The following NR1I2 variants were observed in gnomAD, a reference collection of about 807,000 sequenced individuals.
NR1I2 encodes nuclear receptor subfamily 1 group I member 2.
Under a neutral mutation model 43.3 loss-of-function variants are expected in NR1I2, and 42 were observed. The ratio of observed to expected loss-of-function variants is 0.97; its 90% confidence interval spans 0.76 to 1.26. The LOEUF (loss-of-function observed/expected upper bound fraction) is 1.26. Ranked by LOEUF, NR1I2 falls within the 50% of genes most tolerant of loss-of-function variation. The pLI is 0.00. For synonymous variants in NR1I2, 229 were observed against 215.0 expected, an observed-to-expected ratio of 1.06 and a Z score of -0.57; for missense variants, 559 against 566.7, an observed-to-expected ratio of 0.99 and a Z score of 0.14.
intron 1 of NR1I2, among the ~76,000 whole-genome samples, chr3:119,789,877 A>G (rs1258076632): frequency 6.6e-6 from 1 of 152,146 alleles, no homozygotes; most frequent in Non-Finnish European, 1.5e-5. Flanking sequence ...TTATTTGGTG[A>G]TGTTCTTTTT....
chr3:119,800,507 C>T (rs1444611423), intron 1 of NR1I2, among the ~76,000 whole-genome samples: 1 of 152,150 alleles, frequency 6.6e-6, no homozygotes, highest in Non-Finnish European at 1.5e-5. Context: ...CACAGTTCTC[C>T]TTTGAAGCTT....
rs781646686 is a variant in NR1I2, at chr3:119,807,336, T to A, written c.86T>A (p.Val29Asp). The change falls in exon 2 of 9, where the codon GTC (valine) becomes GAC (aspartate). Residue 29 changes from valine (V) to aspartate (D), a missense_variant. This residue lies in a region of NR1I2 where 232 missense variants were observed against 236.6 expected (regional missense o/e 0.98). Coordinates refer to ENST00000393716, the MANE Select transcript of NR1I2 (RefSeq NM_003889.4). ...GAGTCTGTTCCTGGAAAGCCCAGTG[T>A]CAACGCAGATGAGGAAGTCGGAGGT... is the stretch of plus-strand genomic sequence containing the variant. 1 of 1,614,256 alleles carries A rather than the reference T, an allele frequency of 6.2e-7. No homozygotes were observed. Among genetic ancestry groups the A allele is most frequent in the East Asian group, 2.2e-5 (1 of 44,892 alleles).
intron 1 of NR1I2, among the ~76,000 whole-genome samples, chr3:119,786,258 C>T (rs1486092421): frequency 6.6e-6 from 1 of 152,178 alleles, no homozygotes; most frequent in African/African-American, 2.4e-5. Flanking sequence ...CTCTTGCCCT[C>T]ACACTTCAGA....
chr3:119,796,644 G>C (rs954348927), intron 1 of NR1I2, among the ~76,000 whole-genome samples: 6 of 151,978 alleles, frequency 3.9e-5, no homozygotes, highest in African/African-American at 1.4e-4. Context: ...CAGTTGCACC[G>C]CTCTTCTTCA....
In NR1I2 at chr3:119,810,138, G is replaced by A; in HGVS notation, c.275G>A (p.Arg92Gln). The A allele has an allele frequency of 1.2e-6, 2 of 1,613,254 alleles. No individual in the cohort carries two copies. The highest frequency in any genetic ancestry group is 1.7e-6 in the Non-Finnish European group (2 of 1,179,830). Residue 92 changes from arginine (R) to glutamine (Q), a missense_variant, in exon 3 of 9, where the codon CGA becomes CAA. Coordinates refer to ENST00000393716, the MANE Select transcript of NR1I2 (RefSeq NM_003889.4). ...TGCGAGATCACCCGGAAGACCCGGCGACAGTGCCAGGCCTGCCGCCTGCGC... is the reference window on the plus strand; with the variant it reads ...TGCGAGATCACCCGGAAGACCCGGCAACAGTGCCAGGCCTGCCGCCTGCGC...
intron 5 of NR1I2, among the ~76,000 whole-genome samples, chr3:119,814,339 G>C (rs987372328): frequency 6.6e-6 from 1 of 152,210 alleles, no homozygotes; most frequent in Non-Finnish European, 1.5e-5. Context: ...TCAGAGGCTT[G>C]TTAAGCCGCC....
intron 8 of NR1I2, among the ~76,000 whole-genome samples, chr3:119,816,817 T>G: frequency 7.9e-6 from 1 of 126,302 alleles, no homozygotes; most frequent in South Asian, 2.5e-4. Flanking sequence ...CGAGATCCTG[T>G]CCCTTTAAAG....
chr3:119,787,660 TG>T (rs2054859989), intron 1 of NR1I2, among the ~76,000 whole-genome samples: 1 of 858 alleles, frequency 1.2e-3, no homozygotes. Flanking sequence ...TATTAATATG[TG>T]TGTGTGTGTG....
In NR1I2 at chr3:119,812,963, A is replaced by G; in HGVS notation, c.794+3A>G. The G allele has an allele frequency of 6.2e-7, 1 of 1,612,892 alleles. No individual in the cohort carries two copies. Among genetic ancestry groups the G allele is most frequent in the Non-Finnish European group, 8.5e-7 (1 of 1,180,038 alleles). ...GCCAAAGTCATCTCCTACTTCAGGT[A>G]GGACATGGAGACTGGGTGGTTGGGT... On this transcript the variant is annotated splice_donor_region_variant and intron_variant, in intron 5 of 8. Coordinates refer to ENST00000393716, the MANE Select transcript of NR1I2 (RefSeq NM_003889.4).
chr3:119,796,118 G>A (rs1032366063), intron 1 of NR1I2, among the ~76,000 whole-genome samples: 1 of 152,130 alleles, frequency 6.6e-6, no homozygotes, highest in Non-Finnish European at 1.5e-5. Flanking sequence ...CTTCTGTAGG[G>A]GGAGGACCAT....
At chr3:119,790,495 A>T (rs1207806892) in intron 1 of NR1I2, among the ~76,000 whole-genome samples, 1 of 152,218 alleles carries the variant, frequency 6.6e-6, no homozygotes, top group Non-Finnish European at 1.5e-5. Context: ...GTTATCTATA[A>T]TGGCTACACC....
At chr3:119,791,306 C>T (rs979857607) in intron 1 of NR1I2, among the ~76,000 whole-genome samples, 4 of 152,134 alleles carry the variant, frequency 2.6e-5, no homozygotes, top group Non-Finnish European at 5.9e-5. Context: ...TTGGGGTGGG[C>T]TTGGCCTCCA....
intron 1 of NR1I2, chr3:119,792,273 G>A (rs1258297844): frequency 1.6e-5 from 25 of 1,537,288 alleles, no homozygotes; most frequent in Admixed American, 3.6e-5. Flanking sequence ...GCAGGTGAGC[G>A]ACGACCTTAT....
At chr3:119,810,496 A>G in intron 3 of NR1I2, 1 of 451,388 alleles carries the variant, frequency 2.2e-6, no homozygotes, top group Non-Finnish European at 4.0e-6. Context: ...TGTCCCCTTC[A>G]TAATTGTTGT....
chr3:119,798,799 G>A (rs1461221935), intron 1 of NR1I2, among the ~76,000 whole-genome samples: 2 of 152,098 alleles, frequency 1.3e-5, no homozygotes, highest in East Asian at 1.9e-4. Flanking sequence ...TACAAAATGC[G>A]GTCTTTGGGT....
intron 1 of NR1I2, among the ~76,000 whole-genome samples, chr3:119,805,707 T>TAC (rs1435124986): frequency 2.4e-5 from 1 of 41,788 alleles, no homozygotes; most frequent in Non-Finnish European, 4.7e-5. Context: ...GGTCCCCCCC[T>TAC]CCCCCCCACC....
intron 5 of NR1I2, among the ~76,000 whole-genome samples, chr3:119,813,463 G>GT (rs1352641717): frequency 2.0e-5 from 3 of 152,206 alleles, no homozygotes; most frequent in African/African-American, 7.2e-5. Context: ...GGCAACTGGG[G>GT]TTAGTGGGAG....
chr3:119,816,856 A>G (rs906835414), intron 8 of NR1I2, among the ~76,000 whole-genome samples: 2 of 150,182 alleles, frequency 1.3e-5, no homozygotes, highest in Non-Finnish European at 3.0e-5. Context: ...CACAGCTCCC[A>G]TGAATGGGAT....
At chr3:119,784,936 C>G (rs1364056514) in intron 1 of NR1I2, among the ~76,000 whole-genome samples, 1 of 152,058 alleles carries the variant, frequency 6.6e-6, no homozygotes, top group Non-Finnish European at 1.5e-5. Context: ...GCCTAGTTAC[C>G]TTATGGAATT....
Sources: gnomAD v4.1 joint callset for allele counts (sites outside exome capture counted in the v4.1 genomes callset) on GRCh38, gnomAD v4.1.1 for gene constraint, gnomAD v4.1.1 regional missense constraint, MANE v1.5 for transcripts, NCBI Gene and HGNC (gene_info 2026-07-23, HGNC 2026-07-21) for gene names.